The following ENTPD4 variants were observed in gnomAD, a reference collection of about 807,000 sequenced individuals.
ENTPD4 encodes ectonucleoside triphosphate diphosphohydrolase 4.
A neutral mutation model predicts 79.1 loss-of-function variants in ENTPD4; 60 were observed. The observed-to-expected ratio is 0.76, with a 90% CI of 0.62 to 0.94. The LOEUF (loss-of-function observed/expected upper bound fraction) is 0.94, where lower values mean the gene tolerates loss of function less well. Ranked by LOEUF, ENTPD4 falls within the 40% of genes least tolerant of loss-of-function variation. The pLI is 0.00. For synonymous variants in ENTPD4, 276 were observed against 292.0 expected (o/e 0.95, Z 0.56); for missense variants, 772 against 775.1 (o/e 1.00, Z 0.05).
intron 4 of ENTPD4, among the ~76,000 whole-genome samples, chr8:23,446,383 GTCTTCTCGTAAGTTTTTTAT>G (rs1800763596): frequency 6.6e-6 from 1 of 152,134 alleles, no homozygotes; most frequent in Non-Finnish European, 1.5e-5. Context: ...TATTTTTTCA[GTCTTCTCGTAAGTTTTTTAT>G]TTGATCAATA....
chr8:23,443,294 C>T (rs1393555123), intron 6 of ENTPD4, among the ~76,000 whole-genome samples: 1 of 152,174 alleles, frequency 6.6e-6, no homozygotes, highest in Non-Finnish European at 1.5e-5. Context: ...AGCTGAATAG[C>T]AATGTGTAAA....
chr8:23,444,646 T>C (rs1038983989), intron 4 of ENTPD4, 40 bp from the exon 5 acceptor site: 1 of 1,586,932 alleles, frequency 6.3e-7, no homozygotes, highest in African/African-American at 1.3e-5. Flanking sequence ...GCAGATATTT[T>C]AGCTATAACA....
chr8:23,438,556 C>T (rs528315236), intron 9 of ENTPD4, among the ~76,000 whole-genome samples: 4 of 152,056 alleles, frequency 2.6e-5, no homozygotes. Flanking sequence ...TTTTAGTTGT[C>T]CTATATCTAA....
rs1487500285 is a variant in ENTPD4 at position 23,435,416 on chromosome 8, G to A, written c.1436C>T (p.Ser479Phe). ...RERFDRGLYA[S>F]HADLHRLKYQ... ...CTTAAGCCTGTGGAGGTCAGCATGA[G>A]AGGCGTACAGTCCTCGGTCAAAGCG... The change falls in exon 11 of 13, where the codon TCT (serine) becomes TTT (phenylalanine). Residue 479 changes from serine to phenylalanine, a missense_variant. Physicochemically the swap from Ser to Phe is radical, Grantham distance 155. Coordinates refer to ENST00000358689, the MANE Select transcript of ENTPD4 (RefSeq NM_004901.5). 1.9e-6 allele frequency: 3 copies of A among 1,613,778 alleles called. No homozygotes were observed. The African/African-American group carries it at 4.0e-5, about 22-fold the overall frequency.
intron 1 of ENTPD4, among the ~76,000 whole-genome samples, chr8:23,451,931 T>G (rs1172323591): frequency 2.6e-5 from 4 of 152,238 alleles, no homozygotes; most frequent in African/African-American, 7.2e-5. Context: ...ATTTATTTAT[T>G]TATTAAATGC....
chr8:23,440,607 G>A (rs1010866866), intron 8 of ENTPD4, among the ~76,000 whole-genome samples: 1 of 152,174 alleles, frequency 6.6e-6, no homozygotes, highest in African/African-American at 2.4e-5. Context: ...TGTCTGGAAT[G>A]GGAGGTAGGA....
In ENTPD4 at chr8:23,450,246, C is replaced by T. The variant is rs954516940; in HGVS notation, c.-97-249G>A. 5.3e-5 allele frequency among the ~76,000 whole-genome samples: 8 copies of T among 152,174 alleles called. 1 individual carries two copies. The East Asian group carries it at 9.6e-4, about 18-fold the overall frequency. Reference sequence around the variant, plus strand: ...CTGTCTAACCTAAAGTGTCTGTGACCCCAAAATATCAGGATATCAAATAGG... The same window carrying T: ...CTGTCTAACCTAAAGTGTCTGTGACTCCAAAATATCAGGATATCAAATAGG... On this transcript the variant is annotated intron_variant, in intron 1 of 12. Coordinates refer to ENST00000358689, the MANE Select transcript of ENTPD4 (RefSeq NM_004901.5).
rs572529961 is a variant in ENTPD4, at chr8:23,440,550, G to A, written c.883-635C>T. Reference sequence around the variant, plus strand: ...ATGTATTTTTTACTTTATATTGAGAGGGAAAAACATGATTTTTTACAAAGA... The same window carrying A: ...ATGTATTTTTTACTTTATATTGAGAAGGAAAAACATGATTTTTTACAAAGA... On this transcript the variant is annotated intron_variant, in intron 8 of 12. Coordinates refer to ENST00000358689, the MANE Select transcript of ENTPD4 (RefSeq NM_004901.5). Among the ~76,000 whole-genome samples, 5 of 152,200 alleles carry A rather than the reference G, an allele frequency of 3.3e-5. No individual in the cohort carries two copies. The East Asian group carries it at 9.6e-4, about 29-fold the overall frequency.
rs1405392331 is a variant in ENTPD4, at chr8:23,435,485, C to A, written c.1375-8G>T. The A allele has an allele frequency of 6.2e-7, 1 of 1,606,726 alleles. No individual in the cohort carries two copies. The highest frequency in any genetic ancestry group is 8.5e-7 in the Non-Finnish European group (1 of 1,173,442). ...CTTTGTTGCACAATAATCCTGAAAACAAATTCACCAAAATAGATCACTAGT... is the reference window on the plus strand; with the variant it reads ...CTTTGTTGCACAATAATCCTGAAAAAAAATTCACCAAAATAGATCACTAGT... On this transcript the variant is annotated splice_polypyrimidine_tract_variant and splice_region_variant and intron_variant, in intron 10 of 12. Coordinates refer to ENST00000358689, the MANE Select transcript of ENTPD4 (RefSeq NM_004901.5).
At chr8:23,437,880 C>T (rs566461373) in intron 9 of ENTPD4, among the ~76,000 whole-genome samples, 1 of 152,210 alleles carries the variant, frequency 6.6e-6, no homozygotes, top group East Asian at 1.9e-4. Context: ...TAAAAACAGA[C>T]CTTGGTTCAG....
intron 4 of ENTPD4, among the ~76,000 whole-genome samples, chr8:23,446,727 C>T (rs1282556948): frequency 6.6e-6 from 1 of 152,118 alleles, no homozygotes; most frequent in Non-Finnish European, 1.5e-5. Flanking sequence ...AGAATGAGGA[C>T]TCGAGGGGTC....
intron 3 of ENTPD4, 73 bp downstream of exon 3, chr8:23,448,669 T>C (rs1260858309): frequency 7.1e-6 from 9 of 1,265,864 alleles, no homozygotes; most frequent in Non-Finnish European, 7.9e-6. Flanking sequence ...TGGAATTCTG[T>C]TCCAGCAGCC....
intron 1 of ENTPD4, among the ~76,000 whole-genome samples, chr8:23,456,063 C>T (rs1216965193): frequency 6.6e-6 from 1 of 152,234 alleles, no homozygotes; most frequent in Non-Finnish European, 1.5e-5. Context: ...TTGTAAAACA[C>T]GGCCTTCAAA....
chr8:23,449,373 CTG>C (rs573607229), intron 2 of ENTPD4, among the ~76,000 whole-genome samples: 176 of 152,306 alleles, frequency 1.2e-3, no homozygotes, highest in African/African-American at 4.0e-3. Flanking sequence ...GCAAATACGA[CTG>C]AGCTCATTGC....
chr8:23,447,680 C>G lies in ENTPD4; in HGVS notation c.412G>C (p.Gly138Arg). Residue 138 changes from glycine (G) to arginine (R), a missense_variant and splice_region_variant, in exon 4 of 13, where the codon GGC (glycine) becomes CGC (arginine). By Grantham distance (125) the Gly-to-Arg change is moderately radical. Transcript: ENST00000358689. ...CAGGCAGATGTTCTCATTTACATAC[C>G]CGGTTTTATCTTCATGACCACTGGC... ...RKPVVMKIKP[G>R]ISEFATSPEK... 1 of 1,612,676 alleles carries G rather than the reference C, an allele frequency of 6.2e-7. No individual in the cohort carries two copies. The highest frequency in any genetic ancestry group is 8.5e-7 in the Non-Finnish European group (1 of 1,178,722).
chr8:23,443,715 A>AAATTGTTTACT, intron 6 of ENTPD4, 135 bp downstream of exon 6: 1 of 565,548 alleles, frequency 1.8e-6, no homozygotes, highest in Middle Eastern at 2.7e-4. Flanking sequence ...AGTAATTTAA[A>AAATTGTTTACT]AATTGTAATA....
In ENTPD4 at chr8:23,431,411, G is replaced by T. The variant is rs1459224322; in HGVS notation, c.*1515C>A. ...AAAACAAACTCCACCTAAAAAAACT[G>T]TACGAGAATTCCCCAAACTTCTCAA... On this transcript the variant is annotated 3_prime_UTR_variant, in exon 13 of 13. Coordinates refer to ENST00000358689, the MANE Select transcript of ENTPD4 (RefSeq NM_004901.5). 1 of 985,230 alleles carries T rather than the reference G, an allele frequency of 1.0e-6. No homozygotes were observed. Among genetic ancestry groups the T allele is most frequent in the Non-Finnish European group, 1.2e-6 (1 of 829,912 alleles). The allele number at this position is 985,230 out of a possible 1,614,324, so 61.0% of individuals were successfully genotyped here.
At chr8:23,448,311 T>G (rs1800798285) in intron 3 of ENTPD4, among the ~76,000 whole-genome samples, 1 of 152,156 alleles carries the variant, frequency 6.6e-6, no homozygotes, top group Non-Finnish European at 1.5e-5. Flanking sequence ...TTCCTACAGT[T>G]CCTTAAATTC....
At position 23,432,952 on chromosome 8, in the gene ENTPD4, C is replaced by T. The variant is rs570420189; in HGVS notation, c.1825G>A (p.Ala609Thr). The T allele has an allele frequency of 5.3e-5, 85 of 1,608,708 alleles. No individual in the cohort carries two copies. Among genetic ancestry groups the T allele is most frequent in the Admixed American group, 3.4e-4 (20 of 59,038 alleles). ...AALWMEEGLP[A>T]QNAPGTL ...CACAAGGTCCCCGGGGCATTCTGGGCGGGAAGGCCCTCCTCCATCCAGAGG... is the reference window on the plus strand; with the variant it reads ...CACAAGGTCCCCGGGGCATTCTGGGTGGGAAGGCCCTCCTCCATCCAGAGG... The change falls in exon 13 of 13, where the codon GCC becomes ACC. Residue 609 changes from alanine (A) to threonine (T), a missense_variant. Ala to Thr is a moderately conservative substitution (Grantham distance 58). Coordinates refer to ENST00000358689, the MANE Select transcript of ENTPD4 (RefSeq NM_004901.5).
Sources: allele counts gnomAD v4.1 joint callset (sites outside exome capture counted in the v4.1 genomes callset), GRCh38; gene constraint gnomAD v4.1.1; transcripts MANE v1.5; gene names NCBI Gene and HGNC (gene_info 2026-07-23, HGNC 2026-07-21).